LAMA4: variants seen among roughly 807,000 people sequenced by gnomAD.
LAMA4 encodes the protein laminin subunit alpha-4.
Under a neutral mutation model 207.1 loss-of-function variants are expected in LAMA4, and 127 were observed. The observed-to-expected ratio is 0.61, with a 90% CI of 0.53 to 0.71. LAMA4 has a LOEUF of 0.71. Among genes scored for constraint, LAMA4 ranks in the 30% least tolerant of loss-of-function variants. The pLI is 0.00. For synonymous variants in LAMA4, 761 were observed against 816.0 expected (o/e 0.93, Z 1.15); for missense variants, 2,093 against 2,246.5 (o/e 0.93, Z 1.38).
intron 3 of LAMA4, among the ~76,000 whole-genome samples, chr6:112,214,513 A>G (rs918377934): frequency 6.6e-6 from 1 of 152,230 alleles, no homozygotes; most frequent in Non-Finnish European, 1.5e-5. Flanking sequence ...TCTGTTTAAT[A>G]GGAAAATTAT....
chr6:112,235,979 G>T (rs1377178115), intron 2 of LAMA4: 1 of 152,240 alleles, frequency 6.6e-6, no homozygotes, highest in Admixed American at 6.5e-5. Flanking sequence ...TTAGTTCCAG[G>T]ACACAGATGA....
chr6:112,183,500 C>A (rs547401228), intron 9 of LAMA4, among the ~76,000 whole-genome samples: 9 of 152,208 alleles, frequency 5.9e-5, no homozygotes, highest in Admixed American at 4.6e-4. Flanking sequence ...AACTTTCAAG[C>A]GTACATTATT....
At chr6:112,152,734 T>G (rs1353241191) in intron 16 of LAMA4, among the ~76,000 whole-genome samples, 1 of 151,922 alleles carries the variant, frequency 6.6e-6, no homozygotes, top group Non-Finnish European at 1.5e-5. Context: ...GTATAATGGG[T>G]GGTGGTGTCA....
chr6:112,228,385 C>T (rs9320400), intron 2 of LAMA4, among the ~76,000 whole-genome samples: 40,471 of 152,042 alleles, frequency 0.27, 6,157 homozygotes, highest in Admixed American at 0.43. Context: ...TTTGGGAAGG[C>T]TTCCTCTAGA....
At chr6:112,111,280 G>A (rs1489457268) in intron 38 of LAMA4, among the ~76,000 whole-genome samples, 2 of 152,284 alleles carry the variant, frequency 1.3e-5, no homozygotes, top group East Asian at 3.9e-4. Flanking sequence ...CTGAGCTCAA[G>A]TGATCCACCC....
Position 112,185,259 on chromosome 6 carries a change from T to A in LAMA4, c.1055A>T (p.Asp352Val). The A allele has an allele frequency of 6.2e-7, 1 of 1,608,870 alleles. No homozygotes were observed. The highest frequency in any genetic ancestry group is 8.5e-7 in the Non-Finnish European group (1 of 1,175,176). Residue 352 changes from aspartate to valine, a missense_variant, in exon 9 of 39, where the codon GAC becomes GTC. Around this residue, in one of 3 missense-constraint regions of LAMA4, gnomAD observed 1,704 missense variants for 1,788.4 expected, o/e 0.95. Coordinates refer to ENST00000230538, the MANE Select transcript of LAMA4 (RefSeq NM_001105206.3). ...AENTMKSLLS[D>V]VEELVEKENQ... ...TACCTTTTCAACTAATTCCTCTACGTCAGACAGAAGGCTTTTCATCGTGTT... is the reference window on the plus strand; with the variant it reads ...TACCTTTTCAACTAATTCCTCTACGACAGACAGAAGGCTTTTCATCGTGTT...
In LAMA4 at chr6:112,148,288, G is replaced by T; in HGVS notation, c.2222C>A (p.Ala741Asp). ...LGQSRLITEE[A>D]NRTTMEVQQA... Reference sequence around the variant, plus strand: ...CTGCACCTCCATCGTCGTCCTGTTGGCTTCCTCGGTGATCAGTCTAGACTG... The same window carrying T: ...CTGCACCTCCATCGTCGTCCTGTTGTCTTCCTCGGTGATCAGTCTAGACTG... Residue 741 changes from alanine to aspartate, a missense_variant, in exon 18 of 39, where the codon GCC becomes GAC. This residue lies in a region of LAMA4 where 1,704 missense variants were observed against 1,788.4 expected (regional missense o/e 0.95). Coordinates refer to ENST00000230538, the MANE Select transcript of LAMA4 (RefSeq NM_001105206.3). 6.2e-7 allele frequency: 1 copy of T among 1,614,174 alleles called. No homozygotes were observed. Among genetic ancestry groups the T allele is most frequent in the Non-Finnish European group, 8.5e-7 (1 of 1,180,024 alleles).
chr6:112,182,169 G>T (rs4469330), intron 9 of LAMA4, among the ~76,000 whole-genome samples: 27,415 of 151,866 alleles, frequency 0.18, 3,009 homozygotes, highest in East Asian at 0.29. Flanking sequence ...TTCTGGAATA[G>T]AAATGTAAAC....
chr6:112,167,531 G>A (rs1017706691), intron 12 of LAMA4, among the ~76,000 whole-genome samples: 1 of 152,146 alleles, frequency 6.6e-6, no homozygotes. Flanking sequence ...TTTAAATTTT[G>A]TTGGAAGGAA....
chr6:112,182,358 C>T (rs1782419215), intron 9 of LAMA4, among the ~76,000 whole-genome samples: 1 of 152,142 alleles, frequency 6.6e-6, no homozygotes, highest in Non-Finnish European at 1.5e-5. Flanking sequence ...GCCTATACAT[C>T]ACTTCGTTCA....
intron 5 of LAMA4, among the ~76,000 whole-genome samples, chr6:112,198,885 T>C (rs1366446785): frequency 6.6e-6 from 1 of 152,134 alleles, no homozygotes; most frequent in African/African-American, 2.4e-5. Context: ...TCATAACAGT[T>C]TTATGAGACA....
chr6:112,191,201 C>T (rs1430305779), intron 6 of LAMA4, among the ~76,000 whole-genome samples: 1 of 151,888 alleles, frequency 6.6e-6, no homozygotes, highest in Non-Finnish European at 1.5e-5. Context: ...AGGCTGGTCT[C>T]AAACTCCTGG....
At chr6:112,142,481 G>A (rs1156562402) in intron 19 of LAMA4, among the ~76,000 whole-genome samples, 189 bp from the exon 20 acceptor site, 1 of 142,164 alleles carries the variant, frequency 7.0e-6, no homozygotes, top group Non-Finnish European at 1.6e-5. Flanking sequence ...TTAAAGTGGG[G>A]TGAAAGAAAG....
intron 2 of LAMA4, chr6:112,253,418 T>C (rs1342873867): frequency 3.3e-6 from 1 of 299,390 alleles, no homozygotes; most frequent in Non-Finnish European, 6.4e-6. Context: ...GGCTCGTTTC[T>C]ACTTAAGATA....
intron 2 of LAMA4, among the ~76,000 whole-genome samples, chr6:112,224,128 C>T (rs1785068697): frequency 6.6e-6 from 1 of 152,216 alleles, no homozygotes; most frequent in South Asian, 2.1e-4. Flanking sequence ...TTCACATCCA[C>T]AGGGATGAGG....
chr6:112,217,452 T>A (rs1784693611), intron 2 of LAMA4, among the ~76,000 whole-genome samples: 1 of 152,148 alleles, frequency 6.6e-6, no homozygotes, highest in Non-Finnish European at 1.5e-5. Context: ...GAGTCCAAGA[T>A]TTCACATCAT....
intron 8 of LAMA4, 181 bp downstream of exon 8, chr6:112,187,269 A>T (rs1255671387): frequency 1.3e-6 from 1 of 761,070 alleles, no homozygotes; most frequent in African/African-American, 1.7e-5. Flanking sequence ...GCTCATAGTT[A>T]CAATCAACTT....
intron 6 of LAMA4, among the ~76,000 whole-genome samples, chr6:112,190,959 T>C (rs1267104174): frequency 5.6e-5 from 8 of 143,170 alleles, no homozygotes; most frequent in African/African-American, 1.6e-4. Flanking sequence ...TTTCTTTCTT[T>C]CTTTCTTTCT....
chr6:112,245,733 A>C (rs1377562871), intron 2 of LAMA4, among the ~76,000 whole-genome samples: 1 of 152,184 alleles, frequency 6.6e-6, no homozygotes, highest in Admixed American at 6.5e-5. Flanking sequence ...GTTCTCATGA[A>C]GTAAAAAATG....
Sources: gnomAD v4.1 joint callset for allele counts (sites outside exome capture counted in the v4.1 genomes callset) on GRCh38, gnomAD v4.1.1 for gene constraint, gnomAD v4.1.1 regional missense constraint, MANE v1.5 for transcripts, NCBI Gene and HGNC (gene_info 2026-07-23, HGNC 2026-07-21) for gene names.